Variants in LGR6 observed in about 807,000 individuals in gnomAD.
LGR6 encodes the protein leucine-rich repeat-containing G protein-coupled receptor 6.
A neutral mutation model predicts 69.4 loss-of-function variants in LGR6; 45 were observed. The observed-to-expected ratio is 0.65, with a 90% CI of 0.51 to 0.83. The LOEUF is 0.83. Ranked by LOEUF, LGR6 falls within the 40% of genes least tolerant of loss-of-function variation. The pLI is 0.00. For synonymous variants in LGR6, 538 were observed against 555.0 expected (o/e 0.97, Z 0.43); for missense variants, 1,108 against 1,246.7 (o/e 0.89, Z 1.68).
At chr1:202,194,722 CT>C (rs1158208903) in intron 1 of LGR6, 10 of 299,896 alleles carry the variant, frequency 3.3e-5, no homozygotes, top group African/African-American at 2.5e-4. Context: ...GGCGGGTTTC[CT>C]AGAAGCTGGG....
chr1:202,194,872 G>C (rs1658580577), intron 1 of LGR6, among the ~76,000 whole-genome samples: 2 of 152,202 alleles, frequency 1.3e-5, no homozygotes, highest in South Asian at 4.1e-4. Flanking sequence ...CTAATTTGTG[G>C]GCAGGCGCCG....
chr1:202,280,893 G>A (rs1665951109), intron 6 of LGR6, 41 bp downstream of exon 6: 4 of 1,570,900 alleles, frequency 2.5e-6, no homozygotes. Context: ...CCTGCCTGGT[G>A]ATGAAAGCCT....
At chr1:202,215,934 G>C (rs1186396447) in intron 1 of LGR6, among the ~76,000 whole-genome samples, 1 of 152,206 alleles carries the variant, frequency 6.6e-6, no homozygotes, top group Non-Finnish European at 1.5e-5. Flanking sequence ...AGGCCAAAGG[G>C]ATTAGTCTGA....
intron 4 of LGR6, among the ~76,000 whole-genome samples, chr1:202,241,312 G>A (rs1398690828): frequency 6.6e-6 from 1 of 152,202 alleles, no homozygotes; most frequent in African/African-American, 2.4e-5. Flanking sequence ...TGGAGCCTCA[G>A]GGAAGGTTCA....
intron 4 of LGR6, among the ~76,000 whole-genome samples, chr1:202,241,684 G>A (rs1662220574): frequency 1.3e-5 from 2 of 151,494 alleles, no homozygotes; most frequent in Non-Finnish European, 2.9e-5. Flanking sequence ...AGGGCAAGGG[G>A]GAAACAGCAT....
intron 7 of LGR6, among the ~76,000 whole-genome samples, chr1:202,300,030 C>T (rs1287617290): frequency 2.0e-5 from 3 of 152,216 alleles, no homozygotes; most frequent in Non-Finnish European, 4.4e-5. Flanking sequence ...CCTTATCCCC[C>T]TGGCTGCGTG....
Position 202,268,413 on chromosome 1 carries a change from G to A in LGR6, c.429-7893G>A, listed in dbSNP as rs1664841070. On this transcript the variant is annotated intron_variant, in intron 4 of 17. Transcript: ENST00000367278. This position sits in a 1 kb window ranked among gnomAD's most constrained non-coding sequence, Gnocchi z 4.4. ...CCTCCAGGCAATCAACGGCTCCCAC[G>A]TGGAATATTTTCCCCACAGAATAAC... 6.6e-6 allele frequency among the ~76,000 whole-genome samples: 1 copy of A among 152,054 alleles called. No homozygotes were observed. Among genetic ancestry groups the A allele is most frequent in the African/African-American group, 2.4e-5 (1 of 41,402 alleles).
intron 1 of LGR6, among the ~76,000 whole-genome samples, chr1:202,217,947 G>A (rs1021873633): frequency 1.3e-5 from 2 of 152,190 alleles, no homozygotes; most frequent in Non-Finnish European, 2.9e-5. Flanking sequence ...ACACTCCCTT[G>A]TTTGGATATT....
intron 4 of LGR6, among the ~76,000 whole-genome samples, chr1:202,266,548 C>T (rs1354359789): frequency 6.6e-6 from 1 of 151,736 alleles, no homozygotes; most frequent in Non-Finnish European, 1.5e-5. Context: ...CATAAAGCCC[C>T]CAAGGACCCG....
intron 4 of LGR6, among the ~76,000 whole-genome samples, chr1:202,241,516 C>G (rs1375510270): frequency 6.6e-6 from 1 of 152,216 alleles, no homozygotes; most frequent in Admixed American, 6.5e-5. Context: ...CTCCACAACA[C>G]CCTCCTCCTT....
chr1:202,240,825 C>A (rs953418278), intron 4 of LGR6, among the ~76,000 whole-genome samples: 7 of 152,102 alleles, frequency 4.6e-5, no homozygotes, highest in African/African-American at 1.7e-4. Context: ...CAGCAGGGAC[C>A]CATCATTCCA....
Position 202,262,299 on chromosome 1 carries a change from A to G in LGR6, c.429-14007A>G, listed in dbSNP as rs549510879. Among the ~76,000 whole-genome samples the G allele has an allele frequency of 2.6e-5, 4 of 152,374 alleles. No homozygotes were observed. In the South Asian group the frequency reaches 8.3e-4, roughly 32 times the overall value. ...AAGGGATCCAGTTTCAGCTTTCTAC[A>G]TATGGCTAGCCCATATGTTTTCCCA... On this transcript the variant is annotated intron_variant, in intron 4 of 17. Transcript: ENST00000367278.
At position 202,317,954 on chromosome 1, in the gene LGR6, C is replaced by T. The variant is rs1417751019; in HGVS notation, c.1651C>T (p.Pro551Ser). 6.2e-7 allele frequency: 1 copy of T among 1,605,542 alleles called. No homozygotes were observed. The highest frequency in any genetic ancestry group is 1.1e-5 in the South Asian group (1 of 89,518). ...TTAATGTCTGATCTCTCCTACAGGCCCCTTCAAGCCCTGTGAGTACCTCTT... is the reference window on the plus strand; with the variant it reads ...TTAATGTCTGATCTCTCCTACAGGCTCCTTCAAGCCCTGTGAGTACCTCTT... ...PSVQCSPTPGPFKPCEYLFES... is the reference protein window; with the variant it reads ...PSVQCSPTPGSFKPCEYLFES... Residue 551 changes from proline (P) to serine (S), a missense_variant and splice_region_variant, in exon 18 of 18, where the codon CCC becomes TCC. By Grantham distance (74) the Pro-to-Ser change is moderately conservative. Coordinates refer to ENST00000367278, the MANE Select transcript of LGR6 (RefSeq NM_001017403.2).
intron 3 of LGR6, among the ~76,000 whole-genome samples, chr1:202,231,017 C>T (rs1160765150): frequency 6.6e-6 from 1 of 152,202 alleles, no homozygotes; most frequent in African/African-American, 2.4e-5. Context: ...ACTGTGGATT[C>T]TTAGCCCATG....
At chr1:202,254,899 C>CAAA (rs71890535) in intron 4 of LGR6, among the ~76,000 whole-genome samples, 1 of 124,350 alleles carries the variant, frequency 8.0e-6, no homozygotes. Flanking sequence ...TCTGTCTCTA[C>CAAA]AAAAAAAAAA....
chr1:202,242,052 T>C (rs1662253075), intron 4 of LGR6, among the ~76,000 whole-genome samples: 1 of 152,158 alleles, frequency 6.6e-6, no homozygotes. Context: ...GATGTGCTGG[T>C]GTGCTCGTGG....
chr1:202,272,523 G>C (rs983428012), intron 4 of LGR6, among the ~76,000 whole-genome samples: 1 of 152,216 alleles, frequency 6.6e-6, no homozygotes, highest in African/African-American at 2.4e-5. Flanking sequence ...GATATCATGA[G>C]CCAGGACAGA....
intron 11 of LGR6, 68 bp downstream of exon 11, chr1:202,304,698 C>G: frequency 8.0e-7 from 1 of 1,251,906 alleles, no homozygotes; most frequent in South Asian, 1.3e-5. Context: ...CAAAAGGCCT[C>G]TCCTGCTTCT....
chr1:202,307,016 CAT>C lies in LGR6; in HGVS notation c.1208+78_1208+79del. ...GCTAGGCATGCTCATTGTCATAGCA[CAT>C]GTGTACAATTTAAGCAAATGTGACA... On this transcript the variant is annotated intron_variant, in intron 13 of 17. Coordinates refer to ENST00000367278, the MANE Select transcript of LGR6 (RefSeq NM_001017403.2). The C allele has an allele frequency of 3.9e-6, 5 of 1,274,814 alleles. No homozygotes were observed. The Middle Eastern group carries it at 5.6e-4, about 143-fold the overall frequency. 79.0% of individuals were successfully genotyped at this position (1,274,814 alleles called of 1,614,324 possible). A position where few individuals can be genotyped will look rare whatever the true frequency, so the allele number is the denominator to read the frequency against.
Sources: allele counts gnomAD v4.1 joint callset (sites outside exome capture counted in the v4.1 genomes callset), GRCh38; gene constraint gnomAD v4.1.1; non-coding constraint Gnocchi (gnomAD v3.1); transcripts MANE v1.5; gene names NCBI Gene and HGNC (gene_info 2026-07-23, HGNC 2026-07-21).